CEMIP: variants seen among roughly 807,000 people sequenced by gnomAD.
CEMIP encodes the protein cell migration inducing hyaluronidase 1.
Under a neutral mutation model 156.9 loss-of-function variants are expected in CEMIP, and 105 were observed. That is an observed-to-expected ratio of 0.67 (90% CI 0.57 to 0.79). The LOEUF (loss-of-function observed/expected upper bound fraction) is 0.79. Among genes scored for constraint, CEMIP ranks in the 30% least tolerant of loss-of-function variants. The pLI is 0.00. For synonymous variants in CEMIP, 676 were observed against 668.4 expected (o/e 1.01, Z -0.17); for missense variants, 1,457 against 1,769.4 (o/e 0.82, Z 3.17).
intron 1 of CEMIP, among the ~76,000 whole-genome samples, chr15:80,812,916 A>G (rs1236086680): frequency 6.6e-6 from 1 of 152,236 alleles, no homozygotes; most frequent in Non-Finnish European, 1.5e-5. Context: ...TCAGAGGCCT[A>G]TGATGGCTTC....
At chr15:80,858,791 G>A (rs946432637) in intron 1 of CEMIP, among the ~76,000 whole-genome samples, 2 of 152,116 alleles carry the variant, frequency 1.3e-5, no homozygotes, top group Non-Finnish European at 2.9e-5. Flanking sequence ...TATTAGTTAG[G>A]GTTGTTTCCA....
intron 12 of CEMIP, chr15:80,897,332 G>A: frequency 4.4e-6 from 2 of 455,978 alleles, no homozygotes; most frequent in Non-Finnish European, 8.8e-6. Context: ...ATGTGCTTGT[G>A]GAAGAATCTG....
At chr15:80,881,160 G>A (rs775061898) in intron 6 of CEMIP, 24 bp downstream of exon 6, 21 of 1,585,680 alleles carry the variant, frequency 1.3e-5, no homozygotes, top group Admixed American at 5.0e-5. Context: ...TCACTTAAAC[G>A]TATACTCATT....
intron 1 of CEMIP, among the ~76,000 whole-genome samples, chr15:80,830,327 T>C (rs1055529666): frequency 2.6e-5 from 4 of 152,242 alleles, no homozygotes; most frequent in Non-Finnish European, 5.9e-5. Flanking sequence ...CAGCAGCCCC[T>C]GACTGTGAGC....
rs1337648789 is a variant in CEMIP at position 80,844,645 on chromosome 15, G to T, written c.-175-28893G>T. Among the ~76,000 whole-genome samples the T allele has an allele frequency of 3.9e-5, 6 of 152,244 alleles. No individual in the cohort carries two copies. The South Asian group carries it at 1.0e-3, about 26-fold the overall frequency. ...CCTGACCAGCAGCTCCACTGTTGCA[G>T]AATTGGGCTGCTTCCTACTTCCTGT... On this transcript the variant is annotated intron_variant, in intron 1 of 29. Coordinates refer to ENST00000394685, the MANE Select transcript of CEMIP (RefSeq NM_001293298.2).
intron 14 of CEMIP, among the ~76,000 whole-genome samples, chr15:80,912,692 G>A (rs1164564736): frequency 1.3e-5 from 2 of 152,210 alleles, no homozygotes; most frequent in Non-Finnish European, 2.9e-5. Context: ...TGGGAATTGG[G>A]TTTATGGATT....
At chr15:80,820,650 T>C (rs955809313) in intron 1 of CEMIP, among the ~76,000 whole-genome samples, 1 of 152,178 alleles carries the variant, frequency 6.6e-6, no homozygotes, top group Non-Finnish European at 1.5e-5. Context: ...TAATAATAGT[T>C]ATTAAGGGCA....
intron 12 of CEMIP, among the ~76,000 whole-genome samples, chr15:80,899,293 T>C (rs1899367101): frequency 6.6e-6 from 1 of 151,708 alleles, no homozygotes; most frequent in African/African-American, 2.4e-5. Context: ...GTATATGCCA[T>C]GGTGAGCAAG....
At chr15:80,786,409 TA>T (rs956060429) in intron 1 of CEMIP, among the ~76,000 whole-genome samples, 12 of 152,136 alleles carry the variant, frequency 7.9e-5, no homozygotes, top group Admixed American at 7.9e-4. Context: ...AACATTTTTG[TA>T]AAGATGAGTT....
chr15:80,816,858 A>G (rs1896798182), intron 1 of CEMIP, among the ~76,000 whole-genome samples: 1 of 152,146 alleles, frequency 6.6e-6, no homozygotes, highest in South Asian at 2.1e-4. Flanking sequence ...AGGAGCCTAC[A>G]GTGCACCGTT....
intron 21 of CEMIP, among the ~76,000 whole-genome samples, chr15:80,929,855 G>C (rs777428052): frequency 6.6e-6 from 1 of 152,248 alleles, no homozygotes; most frequent in Non-Finnish European, 1.5e-5. Context: ...ATGAAGGTCA[G>C]ACGATAAGCA....
intron 27 of CEMIP, 30 bp downstream of exon 27, chr15:80,942,367 G>A: frequency 6.3e-7 from 1 of 1,581,670 alleles, no homozygotes; most frequent in Non-Finnish European, 8.7e-7. Flanking sequence ...GGAGGATTCG[G>A]GTTTGCTCAT....
At chr15:80,872,935 A>T (rs899255620) in intron 1 of CEMIP, among the ~76,000 whole-genome samples, 2 of 152,346 alleles carry the variant, frequency 1.3e-5, no homozygotes, top group East Asian at 3.9e-4. Flanking sequence ...CTCTGCTTGC[A>T]TTGGCATCCT....
intron 29 of CEMIP, chr15:80,948,127 A>G (rs557103631): frequency 1.3e-5 from 2 of 156,612 alleles, no homozygotes; most frequent in South Asian, 3.8e-4. Context: ...AAGCTGATGT[A>G]TGTAAGGTGA....
chr15:80,842,881 T>C (rs1051224852), intron 1 of CEMIP, among the ~76,000 whole-genome samples: 3 of 152,136 alleles, frequency 2.0e-5, no homozygotes, highest in Non-Finnish European at 2.9e-5. Context: ...ATGAGACCTG[T>C]AGAGGGACCT....
intron 1 of CEMIP, among the ~76,000 whole-genome samples, chr15:80,794,975 G>GA (rs1896180020): frequency 6.6e-6 from 1 of 152,092 alleles, no homozygotes; most frequent in Admixed American, 6.6e-5. Context: ...ATAGTGAGTA[G>GA]AAGCTAGAAA....
At chr15:80,880,480 A>G (rs1036580097) in intron 5 of CEMIP, among the ~76,000 whole-genome samples, 1 of 152,200 alleles carries the variant, frequency 6.6e-6, no homozygotes. Context: ...TCTGTGGCCC[A>G]GGCTGGAGTG....
intron 1 of CEMIP, among the ~76,000 whole-genome samples, chr15:80,851,161 G>A (rs970569481): frequency 2.6e-5 from 4 of 152,076 alleles, no homozygotes; most frequent in African/African-American, 9.7e-5. Context: ...CTATGTGGGA[G>A]GGGGAGGGGC....
chr15:80,826,357 T>C (rs1897037984), intron 1 of CEMIP, among the ~76,000 whole-genome samples: 1 of 152,236 alleles, frequency 6.6e-6, no homozygotes, highest in Admixed American at 6.5e-5. Flanking sequence ...TGGCCTTGGC[T>C]TCTATGAGGC....
Sources: allele counts gnomAD v4.1 joint callset (sites outside exome capture counted in the v4.1 genomes callset), GRCh38; gene constraint gnomAD v4.1.1; transcripts MANE v1.5; gene names NCBI Gene and HGNC (gene_info 2026-07-23, HGNC 2026-07-21).